Variants in CSMD1 observed in about 807,000 individuals in gnomAD.
The protein encoded by CSMD1 is CUB and Sushi multiple domains 1.
CSMD1 carries 213 observed loss-of-function variants against 417.5 expected under a neutral mutation model. That is an observed-to-expected ratio of 0.51 (90% CI 0.46 to 0.57). The LOEUF (loss-of-function observed/expected upper bound fraction) is 0.57, where lower values mean the gene tolerates loss of function less well. Among genes scored for constraint, CSMD1 ranks in the 20% least tolerant of loss-of-function variants. CSMD1 has a pLI of 0.00. For synonymous variants in CSMD1, 2,862 were observed against 1,736.8 expected (o/e 1.65, Z -16.11); for missense variants, 6,923 against 4,529.7 (o/e 1.53, Z -15.17).
chr8:3,255,191 G>T (rs1800560120), intron 26 of CSMD1, among the ~76,000 whole-genome samples: 2 of 152,130 alleles, frequency 1.3e-5, no homozygotes, highest in Non-Finnish European at 2.9e-5. Context: ...AGTGGATATT[G>T]GTGAACAGCG....
At chr8:4,993,877 G>C (rs749342128) in intron 1 of CSMD1, among the ~76,000 whole-genome samples, 12 of 152,198 alleles carry the variant, frequency 7.9e-5, no homozygotes, top group Middle Eastern at 3.4e-3. Context: ...CCCCCGTAGA[G>C]AGCCCGAACT....
intron 10 of CSMD1, among the ~76,000 whole-genome samples, chr8:3,546,885 A>C (rs966976207): frequency 6.6e-6 from 1 of 152,222 alleles, no homozygotes; most frequent in Non-Finnish European, 1.5e-5. Flanking sequence ...TTGCAAGGGA[A>C]ACTGTGAAAA....
intron 5 of CSMD1, among the ~76,000 whole-genome samples, chr8:3,778,594 A>G (rs1799016620): frequency 6.6e-6 from 1 of 152,188 alleles, no homozygotes; most frequent in Non-Finnish European, 1.5e-5. Context: ...AAAGAGCATC[A>G]GTGCCCTCTC....
At chr8:3,712,986 T>A (rs1585118702) in intron 6 of CSMD1, among the ~76,000 whole-genome samples, 1 of 152,102 alleles carries the variant, frequency 6.6e-6, no homozygotes, top group African/African-American at 2.4e-5. Flanking sequence ...TGCTGAGAGT[T>A]GACTTTAGGT....
rs191706341 is a variant in CSMD1 at position 4,166,473 on chromosome 8, G to C, written c.416-134374C>G. Among the ~76,000 whole-genome samples the C allele has an allele frequency of 3.9e-5, 6 of 152,270 alleles. No individual in the cohort carries two copies. In the East Asian group the frequency reaches 1.2e-3, roughly 29 times the overall value. ...ATTTGCAGCAACCTGGATGAAGTTG[G>C]AGGCCATTACCCTAAGTTAAGTAAC... On this transcript the variant is annotated intron_variant, in intron 3 of 69. Coordinates refer to ENST00000635120, the MANE Select transcript of CSMD1 (RefSeq NM_033225.6).
At chr8:3,168,632 C>CACACACACAA (rs1001729025) in intron 37 of CSMD1, among the ~76,000 whole-genome samples, 2 of 56,022 alleles carry the variant, frequency 3.6e-5, no homozygotes, top group African/African-American at 2.1e-4. Context: ...AAGTCTTCAT[C>CACACACACAA]ACACACACAC....
intron 2 of CSMD1, among the ~76,000 whole-genome samples, chr8:4,550,742 T>C (rs1478961876): frequency 1.3e-5 from 2 of 152,152 alleles, no homozygotes; most frequent in African/African-American, 4.8e-5. Context: ...AAATCAATCT[T>C]AACAACTTTT....
chr8:3,162,378 A>G, intron 37 of CSMD1, 101 bp from the exon 38 acceptor site: 1 of 760,502 alleles, frequency 1.3e-6, no homozygotes, highest in Admixed American at 2.1e-5. Context: ...TTCTGTAGAA[A>G]TGAACAAAGA....
intron 3 of CSMD1, among the ~76,000 whole-genome samples, chr8:4,401,339 A>G (rs1563135035): frequency 6.6e-6 from 1 of 152,202 alleles, no homozygotes; most frequent in Non-Finnish European, 1.5e-5. Flanking sequence ...GCTCCAATCA[A>G]ACCCACACGT....
At chr8:4,434,663 A>G (rs986948735) in intron 2 of CSMD1, among the ~76,000 whole-genome samples, 2 of 152,096 alleles carry the variant, frequency 1.3e-5, no homozygotes, top group Admixed American at 1.3e-4. Context: ...CACAAACCCG[A>G]TTTACTTTTT....
chr8:3,191,393 T>C (rs1180985227), intron 33 of CSMD1, among the ~76,000 whole-genome samples: 1 of 152,126 alleles, frequency 6.6e-6, no homozygotes, highest in Non-Finnish European at 1.5e-5. Flanking sequence ...GAGGCATAAG[T>C]TGCAGTGAGC....
intron 3 of CSMD1, among the ~76,000 whole-genome samples, chr8:4,311,408 C>A (rs980271640): frequency 7.9e-5 from 12 of 152,116 alleles, no homozygotes; most frequent in African/African-American, 2.4e-4. Flanking sequence ...AACAGAAAAC[C>A]AAATACATGT....
intron 2 of CSMD1, among the ~76,000 whole-genome samples, chr8:4,480,713 A>T (rs1470106023): frequency 2.6e-5 from 4 of 152,106 alleles, no homozygotes; most frequent in African/African-American, 9.7e-5. Context: ...TCTGACAACC[A>T]CCTGGTATAG....
At chr8:4,104,912 A>G (rs948906207) in intron 3 of CSMD1, among the ~76,000 whole-genome samples, 1 of 151,986 alleles carries the variant, frequency 6.6e-6, no homozygotes, top group Non-Finnish European at 1.5e-5. Flanking sequence ...TCCCACTGTG[A>G]GTGAGAATTA....
chr8:3,627,495 T>C (rs1053384058), intron 7 of CSMD1, among the ~76,000 whole-genome samples: 1 of 152,190 alleles, frequency 6.6e-6, no homozygotes, highest in Non-Finnish European at 1.5e-5. Context: ...TTTATTTATA[T>C]AACCTCACCT....
At chr8:4,446,647 A>C (rs1798807758) in intron 2 of CSMD1, among the ~76,000 whole-genome samples, 1 of 152,142 alleles carries the variant, frequency 6.6e-6, no homozygotes, top group African/African-American at 2.4e-5. Flanking sequence ...TCTGCCTCCT[A>C]GATTTGAGCC....
At position 4,415,141 on chromosome 8, in the gene CSMD1, C is replaced by T. The variant is rs193160424; in HGVS notation, c.415+4812G>A. On this transcript the variant is annotated intron_variant, in intron 3 of 69. Coordinates refer to ENST00000635120, the MANE Select transcript of CSMD1 (RefSeq NM_033225.6). ...AATAACGTAAACTCAATTTTCTACCCTTCAGATAGGGCAGAAAGGCTCAGC... is the reference window on the plus strand; with the variant it reads ...AATAACGTAAACTCAATTTTCTACCTTTCAGATAGGGCAGAAAGGCTCAGC... Among the ~76,000 whole-genome samples, 8 of 152,156 alleles carry T rather than the reference C, an allele frequency of 5.3e-5. No individual in the cohort carries two copies. In the East Asian group the frequency reaches 1.2e-3, roughly 22 times the overall value.
At chr8:3,527,098 G>A (rs548485068) in intron 10 of CSMD1, among the ~76,000 whole-genome samples, 117 of 152,238 alleles carry the variant, frequency 7.7e-4, no homozygotes, top group East Asian at 1.9e-4. Context: ...AATGCCAGAA[G>A]GAGCCCAGAA....
intron 5 of CSMD1, among the ~76,000 whole-genome samples, chr8:3,915,129 G>A (rs192891849): frequency 1.3e-5 from 2 of 152,142 alleles, no homozygotes; most frequent in African/African-American, 4.8e-5. Context: ...TAGCAGGTTG[G>A]GAGTAGTAGT....
Sources: gnomAD v4.1 joint callset for allele counts (sites outside exome capture counted in the v4.1 genomes callset) on GRCh38, gnomAD v4.1.1 for gene constraint, MANE v1.5 for transcripts, NCBI Gene and HGNC (gene_info 2026-07-23, HGNC 2026-07-21) for gene names.